CNOT4: variants seen among roughly 807,000 people sequenced by gnomAD.
CNOT4 encodes CCR4-NOT transcription complex subunit 4.
A neutral mutation model predicts 73.8 loss-of-function variants in CNOT4; 8 were observed. The observed-to-expected ratio is 0.11, with a 90% confidence interval of 0.06 to 0.20. The LOEUF (loss-of-function observed/expected upper bound fraction) is 0.20. Ranked by LOEUF, CNOT4 falls within the 10% of genes least tolerant of loss-of-function variation. CNOT4 has a pLI of 1.00. For missense variants in CNOT4, 564 were observed against 883.4 expected (o/e 0.64, Z 4.58); for synonymous variants, 293 against 321.1 (o/e 0.91, Z 0.94).
chr7:135,373,560 A>G lies in CNOT4; in HGVS notation c.1628-9494T>C, dbSNP rs1795338338. On this transcript the variant is annotated intron_variant, in intron 10 of 11. Coordinates refer to ENST00000541284, the MANE Select transcript of CNOT4 (RefSeq NM_001190850.2). ...AGAAATGGCAGACTCTGGAAGCAAC[A>G]TGCTTAGAATTATTATTTTTTTATT... is the stretch of plus-strand genomic sequence containing the variant. 2.6e-5 allele frequency among the ~76,000 whole-genome samples: 4 copies of G among 152,152 alleles called. No homozygotes were observed. The South Asian group carries it at 8.3e-4, about 32-fold the overall frequency.
chr7:135,384,311 G>T, intron 10 of CNOT4: 1 of 164,386 alleles, frequency 6.1e-6, no homozygotes, highest in Admixed American at 6.2e-5. Flanking sequence ...TTTAGACGGA[G>T]TCTCGCTCTG....
intron 1 of CNOT4, among the ~76,000 whole-genome samples, chr7:135,509,397 C>A (rs894422524): frequency 6.6e-6 from 1 of 151,928 alleles, no homozygotes; most frequent in Admixed American, 6.6e-5. Context: ...AAAAAACAAG[C>A]AGCAGGACGA....
rs1803481188 is a variant in CNOT4 at position 135,495,689 on chromosome 7, AAAAAGAAAGAAAGAAAGAAAGAAAG to A, written c.-93+14175_-93+14199del. On this transcript the variant is annotated intron_variant, in intron 1 of 11. Coordinates refer to ENST00000541284, the MANE Select transcript of CNOT4 (RefSeq NM_001190850.2). ...TGTGTCAAAAAAAAAAAAAAAAAAA[AAAAAGAAAGAAAGAAAGAAAGAAAG>A]AAAGAAAGAAAGAAAGAAAGAAAGA... 3.8e-4 allele frequency among the ~76,000 whole-genome samples: 17 copies of A among 44,718 alleles called. 3 individuals are homozygous for A. Among genetic ancestry groups the A allele is most frequent in the South Asian group, 6.8e-4 (1 of 1,476 alleles). 29.3% of individuals were successfully genotyped at this position (44,718 alleles called of 152,430 possible).
intron 1 of CNOT4, among the ~76,000 whole-genome samples, chr7:135,491,861 T>G (rs889155848): frequency 6.6e-6 from 1 of 152,178 alleles, no homozygotes; most frequent in Non-Finnish European, 1.5e-5. Context: ...ACACTGTATA[T>G]AAAGAACCTT....
At chr7:135,404,959 T>C (rs141424285) in intron 7 of CNOT4, among the ~76,000 whole-genome samples, 1,760 of 152,290 alleles carry the variant, frequency 0.012, 39 homozygotes, top group African/African-American at 0.04. Flanking sequence ...TACATATAGT[T>C]ATGGCACAGT....
At chr7:135,453,556 T>G (rs548644896) in intron 1 of CNOT4, among the ~76,000 whole-genome samples, 1 of 151,704 alleles carries the variant, frequency 6.6e-6, no homozygotes, top group Non-Finnish European at 1.5e-5. Flanking sequence ...TTGGGCTAGG[T>G]AGGGCATAAG....
intron 1 of CNOT4, among the ~76,000 whole-genome samples, chr7:135,483,811 G>A (rs777353202): frequency 1.3e-5 from 2 of 151,838 alleles, no homozygotes; most frequent in Non-Finnish European, 1.5e-5. Context: ...GTGAGACCCC[G>A]TCTCAAAAAC....
rs774640748 is a variant in CNOT4, at chr7:135,503,049, A to G, written c.-93+6840T>C. On this transcript the variant is annotated intron_variant, in intron 1 of 11. Coordinates refer to ENST00000541284, the MANE Select transcript of CNOT4 (RefSeq NM_001190850.2). ...ACGCCTGTAGTTCTAGCTACTTGGG[A>G]GACTGAGGCAGGAGAACCGCTTGAA... 5.0e-4 allele frequency among the ~76,000 whole-genome samples: 76 copies of G among 152,078 alleles called. 1 individual carries two copies. Among genetic ancestry groups the G allele is most frequent in the Middle Eastern group, 6.8e-3 (2 of 294 alleles).
intron 3 of CNOT4, among the ~76,000 whole-genome samples, chr7:135,420,612 C>G (rs1485867484): frequency 7.0e-6 from 1 of 142,342 alleles, no homozygotes; most frequent in African/African-American, 2.6e-5. Context: ...AGATTCTAAT[C>G]AGTAAGATTA....
chr7:135,452,265 G>A (rs370860125), intron 1 of CNOT4, among the ~76,000 whole-genome samples: 16 of 151,664 alleles, frequency 1.1e-4, no homozygotes, highest in African/African-American at 3.6e-4. Context: ...ATAAAAGAGT[G>A]TATCAAAGGA....
intron 1 of CNOT4, among the ~76,000 whole-genome samples, chr7:135,449,439 A>G (rs2129485814): frequency 6.6e-6 from 1 of 152,348 alleles, no homozygotes; most frequent in Admixed American, 6.5e-5. Flanking sequence ...GAATTGGTTA[A>G]AAGTAATCCC....
chr7:135,371,373 G>A (rs1027263039), intron 10 of CNOT4, among the ~76,000 whole-genome samples: 1 of 152,156 alleles, frequency 6.6e-6, no homozygotes, highest in Non-Finnish European at 1.5e-5. Context: ...ATTCTAGTAT[G>A]AGCAAAGACC....
At chr7:135,414,232 T>C (rs1797727412) in intron 5 of CNOT4, 99 bp downstream of exon 5, 1 of 585,274 alleles carries the variant, frequency 1.7e-6, no homozygotes, top group Non-Finnish European at 3.0e-6. Context: ...TCAAATTAAC[T>C]GTCAAATTTA....
intron 1 of CNOT4, among the ~76,000 whole-genome samples, chr7:135,478,746 A>G (rs1802160522): frequency 6.6e-6 from 1 of 152,130 alleles, no homozygotes; most frequent in Admixed American, 6.6e-5. Flanking sequence ...CTCATCAAAA[A>G]TCTTCAAAAT....
At chr7:135,426,100 G>A (rs1798480447) in intron 2 of CNOT4, among the ~76,000 whole-genome samples, 1 of 152,096 alleles carries the variant, frequency 6.6e-6, no homozygotes. Context: ...TACAGTCACA[G>A]CTACTTGGGA....
chr7:135,496,035 C>T (rs1803552752), intron 1 of CNOT4, among the ~76,000 whole-genome samples: 1 of 151,912 alleles, frequency 6.6e-6, no homozygotes, highest in South Asian at 2.1e-4. Flanking sequence ...ACTGTGAATG[C>T]TCCTATTATA....
chr7:135,470,441 C>T (rs1166417258), intron 1 of CNOT4, among the ~76,000 whole-genome samples: 1 of 151,942 alleles, frequency 6.6e-6, no homozygotes, highest in South Asian at 2.1e-4. Flanking sequence ...TGTTCATAAG[C>T]AGTTTTATTC....
chr7:135,499,057 G>C (rs1417418029), intron 1 of CNOT4, among the ~76,000 whole-genome samples: 1 of 152,086 alleles, frequency 6.6e-6, no homozygotes, highest in African/African-American at 2.4e-5. Flanking sequence ...CAAAGGCAGA[G>C]GTTTTTTTCA....
intron 10 of CNOT4, chr7:135,388,482 G>A (rs1796235469): frequency 1.7e-5 from 17 of 998,296 alleles, no homozygotes; most frequent in Non-Finnish European, 1.8e-5. Context: ...TTCAATAATA[G>A]AGCCAAAATA....
Sources: gnomAD v4.1 joint callset for allele counts (sites outside exome capture counted in the v4.1 genomes callset) on GRCh38, gnomAD v4.1.1 for gene constraint, MANE v1.5 for transcripts, NCBI Gene and HGNC (gene_info 2026-07-23, HGNC 2026-07-21) for gene names.